PDE2A: variants seen among roughly 807,000 people sequenced by gnomAD.
PDE2A encodes phosphodiesterase 2A, also known as cGMP-dependent 3',5'-cyclic phosphodiesterase.
Under a neutral mutation model 133.6 loss-of-function variants are expected in PDE2A, and 53 were observed. The observed-to-expected ratio is 0.40, with a 90% CI of 0.32 to 0.50. PDE2A has a LOEUF of 0.50. Ranked by LOEUF, PDE2A falls within the 20% of genes least tolerant of loss-of-function variation. The pLI is 0.73. For missense variants in PDE2A, 796 were observed against 1,232.4 expected (o/e 0.65, Z 5.30); for synonymous variants, 491 against 490.2 (o/e 1.00, Z -0.02).
At chr11:72,670,035 C>T (rs2135467544) in intron 1 of PDE2A, among the ~76,000 whole-genome samples, 1 of 152,320 alleles carries the variant, frequency 6.6e-6, no homozygotes, top group Middle Eastern at 3.4e-3. Context: ...CACCACGGCC[C>T]AGGGCTTCCC....
At chr11:72,656,051 C>T (rs1202620881) in intron 1 of PDE2A, among the ~76,000 whole-genome samples, 8 of 152,144 alleles carry the variant, frequency 5.3e-5, no homozygotes, top group Admixed American at 1.3e-4. Context: ...GCTCACGGCC[C>T]GGCATCCGGA....
chr11:72,660,999 T>C (rs1280211617), intron 1 of PDE2A, among the ~76,000 whole-genome samples: 1 of 152,080 alleles, frequency 6.6e-6, no homozygotes, highest in Non-Finnish European at 1.5e-5. Context: ...CTGTGTCCTC[T>C]CTGTGGGTTT....
chr11:72,607,481 C>T (rs924040928), intron 3 of PDE2A, among the ~76,000 whole-genome samples: 10 of 152,110 alleles, frequency 6.6e-5, no homozygotes, highest in Middle Eastern at 3.2e-3. Flanking sequence ...TATTTTTGGG[C>T]GCCAACACAC....
At chr11:72,624,678 G>A (rs1857958363) in intron 2 of PDE2A, among the ~76,000 whole-genome samples, 2 of 152,224 alleles carry the variant, frequency 1.3e-5, no homozygotes, top group Non-Finnish European at 2.9e-5. Flanking sequence ...CACTTTCAGT[G>A]TCACACACGT....
intron 1 of PDE2A, 64 bp from the exon 2 acceptor site, chr11:72,642,390 C>A: frequency 7.7e-7 from 1 of 1,297,734 alleles, no homozygotes; most frequent in Non-Finnish European, 9.9e-7. Flanking sequence ...CGCAGCCGCC[C>A]GCCCGCCCGC....
At position 72,590,056 on chromosome 11, in the gene PDE2A, C is replaced by G. The variant is rs759654043; in HGVS notation, c.757-75G>C. On this transcript the variant is annotated intron_variant, in intron 9 of 30. Transcript: ENST00000334456. The surrounding 1 kb of genome is among the most constrained non-coding windows in gnomAD (Gnocchi z 4.8). ...CCCACTCCCCACCTGCTCCCCTCTCCGGGGCTCTTCAGGCGGGTGGAGGAG... is the reference window on the plus strand; with the variant it reads ...CCCACTCCCCACCTGCTCCCCTCTCGGGGGCTCTTCAGGCGGGTGGAGGAG... The G allele has an allele frequency of 7.0e-7, 1 of 1,430,198 alleles. No homozygotes were observed. Among genetic ancestry groups the G allele is most frequent in the Non-Finnish European group, 9.6e-7 (1 of 1,039,668 alleles). The allele number at this position is 1,430,198 out of a possible 1,614,324, so 88.6% of individuals were successfully genotyped here.
At chr11:72,599,711 C>T (rs561498525) in intron 4 of PDE2A, among the ~76,000 whole-genome samples, 1 of 152,334 alleles carries the variant, frequency 6.6e-6, no homozygotes, top group Admixed American at 6.5e-5. Context: ...CCTCGGGGAG[C>T]ATTCTACTTA....
chr11:72,596,710 C>T (rs371858739), intron 5 of PDE2A, 62 bp from the exon 6 acceptor site: 92 of 1,137,194 alleles, frequency 8.1e-5, no homozygotes, highest in Non-Finnish European at 9.3e-5. Flanking sequence ...GATACCGAGC[C>T]GGGACCCAGG....
At chr11:72,600,931 G>A (rs369782573) in intron 4 of PDE2A, among the ~76,000 whole-genome samples, 15 of 151,898 alleles carry the variant, frequency 9.9e-5, no homozygotes, top group African/African-American at 2.7e-4. Flanking sequence ...AAAAAGAATC[G>A]AGGGAAAGGT....
At chr11:72,612,044 G>A (rs1187037927) in intron 2 of PDE2A, among the ~76,000 whole-genome samples, 2 of 152,090 alleles carry the variant, frequency 1.3e-5, no homozygotes, top group Non-Finnish European at 2.9e-5. Context: ...GGGGAGCAAG[G>A]CTCAAGTCAG....
chr11:72,578,401 C>G lies in PDE2A; in HGVS notation c.2509-62G>C. On this transcript the variant is annotated intron_variant, in intron 29 of 30. Coordinates refer to ENST00000334456, the MANE Select transcript of PDE2A (RefSeq NM_002599.5). The surrounding 1 kb of genome is among the most constrained non-coding windows in gnomAD (Gnocchi z 4.2). ...TCCTCCATCGGGTACCAGGGTCAGG[C>G]TAGTTCAAGCCCTCCCTGTCCCAGG... The G allele has an allele frequency of 1.3e-6, 2 of 1,574,650 alleles. No homozygotes were observed. The highest frequency in any genetic ancestry group is 1.3e-5 in the African/African-American group (1 of 74,260).
intron 1 of PDE2A, among the ~76,000 whole-genome samples, chr11:72,643,820 A>G (rs236908): frequency 0.99 from 151,457 of 152,262 alleles, 75,337 homozygotes; most frequent in Middle Eastern, 1. Context: ...CTCAGGGGGC[A>G]GCCCTCCATG....
In PDE2A at chr11:72,630,549, C is replaced by T. The variant is rs559335977; in HGVS notation, c.144+11705G>A. On this transcript the variant is annotated intron_variant, in intron 2 of 30. Transcript: ENST00000334456. ...GGAGGCAGGAATGGATGAAGGGGAA[C>T]GATTGCCAGGCTGGGGTTGTGGAGG... is the stretch of plus-strand genomic sequence containing the variant. Among the ~76,000 whole-genome samples the T allele has an allele frequency of 2.9e-4, 36 of 122,228 alleles. No homozygotes were observed. The East Asian group carries it at 3.9e-3, about 13-fold the overall frequency. The allele number at this position is 122,228 out of a possible 152,430, so 80.2% of individuals were successfully genotyped here.
In PDE2A at chr11:72,578,968, G is replaced by T. The variant is rs558541576; in HGVS notation, c.2398C>A (p.Leu800Ile). 5 of 1,614,016 alleles carry T rather than the reference G, an allele frequency of 3.1e-6. No homozygotes were observed. In the South Asian group the frequency reaches 5.5e-5, roughly 18 times the overall value. ...RNNKQHHRLL[L>I]CLLMTSCDLS... ...TCACAGGAGGTCATGAGGAGGCAGA[G>T]GAGAAGTCTGTGGTGCTGCTTGTTG... The change falls in exon 28 of 31, where the codon CTC becomes ATC. Residue 800 changes from leucine to isoleucine, a missense_variant. Around this residue, in one of 7 missense-constraint regions of PDE2A, gnomAD observed 19 missense variants for 16.0 expected, o/e 1.18. Transcript: ENST00000334456. The surrounding 1 kb of genome is among the most constrained non-coding windows in gnomAD (Gnocchi z 4.2).
chr11:72,584,335 G>C, intron 18 of PDE2A, 22 bp from the exon 19 acceptor site: 1 of 1,487,376 alleles, frequency 6.7e-7, no homozygotes, highest in South Asian at 1.1e-5. Context: ...AGAGGGGCAA[G>C]GAACCACCGG....
chr11:72,579,104 A>G, intron 27 of PDE2A, 95 bp from the exon 28 acceptor site: 1 of 1,037,498 alleles, frequency 9.6e-7, no homozygotes, highest in Non-Finnish European at 1.5e-6. Flanking sequence ...CGGTCCAGGG[A>G]ATTGGGCACC....
chr11:72,673,991 C>G, intron 1 of PDE2A, 146 bp downstream of exon 1: 1 of 760,342 alleles, frequency 1.3e-6, no homozygotes, highest in South Asian at 1.9e-5. Context: ...TCTGGCAACG[C>G]GGGGAGGAGG....
chr11:72,578,427 C>A lies in PDE2A; in HGVS notation c.2508+49G>T, dbSNP rs765379513. 1.8e-5 allele frequency: 29 copies of A among 1,586,766 alleles called. No homozygotes were observed. In the South Asian group the frequency reaches 2.2e-4, roughly 12 times the overall value. Reference sequence around the variant, plus strand: ...TAGTTCAAGCCCTCCCTGTCCCAGGCCAGGAACCCTCCCCCATCCTGGACA... The same window carrying A: ...TAGTTCAAGCCCTCCCTGTCCCAGGACAGGAACCCTCCCCCATCCTGGACA... On this transcript the variant is annotated intron_variant, in intron 29 of 30. Transcript: ENST00000334456. The surrounding 1 kb of genome is among the most constrained non-coding windows in gnomAD (Gnocchi z 4.2).
chr11:72,631,865 G>A (rs1188544233), intron 2 of PDE2A, among the ~76,000 whole-genome samples: 1 of 152,150 alleles, frequency 6.6e-6, no homozygotes, highest in Non-Finnish European at 1.5e-5. Flanking sequence ...TGGCTGCCAG[G>A]CTCCTGCCCC....
Sources: allele counts gnomAD v4.1 joint callset (sites outside exome capture counted in the v4.1 genomes callset), GRCh38; gene constraint gnomAD v4.1.1; regional missense constraint gnomAD v4.1.1; non-coding constraint Gnocchi (gnomAD v3.1); transcripts MANE v1.5; gene names NCBI Gene and HGNC (gene_info 2026-07-23, HGNC 2026-07-21).